Variants in ABCC1 observed in about 807,000 individuals in gnomAD.
ABCC1 encodes the protein multidrug resistance-associated protein 1.
A neutral mutation model predicts 172.9 loss-of-function variants in ABCC1; 83 were observed. The ratio of observed to expected loss-of-function variants is 0.48; its 90% confidence interval spans 0.40 to 0.58. ABCC1 has a LOEUF of 0.58. Among genes scored for constraint, ABCC1 ranks in the 20% least tolerant of loss-of-function variants. The pLI is 0.00. For synonymous variants in ABCC1, 937 were observed against 825.2 expected (o/e 1.14, Z -2.32); for missense variants, 1,817 against 2,002.7 (o/e 0.91, Z 1.77).
rs182649835 is a variant in ABCC1 at position 15,985,229 on chromosome 16, G to A, written c.49-22587G>A. Among the ~76,000 whole-genome samples the A allele has an allele frequency of 3.9e-5, 6 of 152,294 alleles. No individual in the cohort carries two copies. In the East Asian group the frequency reaches 9.6e-4, roughly 24 times the overall value. On this transcript the variant is annotated intron_variant, in intron 1 of 30. Coordinates refer to ENST00000399410, the MANE Select transcript of ABCC1 (RefSeq NM_004996.4). ...TAAGCAGCTCCACTGTGGATGTAGC[G>A]GGTATTTCAGAAAGGCATTAGAAAT...
intron 13 of ABCC1, among the ~76,000 whole-genome samples, chr16:16,069,797 A>G (rs1354588327): frequency 6.6e-6 from 1 of 152,088 alleles, no homozygotes; most frequent in Non-Finnish European, 1.5e-5. Flanking sequence ...ACCAAGGCAG[A>G]CAGATCAGCT....
rs761447728 is a variant in ABCC1, at chr16:16,114,896, G to A, written c.3210G>A (p.Gly1070=). 1 of 1,613,848 alleles carries A rather than the reference G, an allele frequency of 6.2e-7. No individual in the cohort carries two copies. The highest frequency in any genetic ancestry group is 8.5e-7 in the Non-Finnish European group (1 of 1,179,854). The stretch of plus-strand genomic sequence containing the variant: ...GCTTCTTTGAGCGGACCCCCAGTGG[G>A]AACCTGGTGAACCGCTTCTCCAAGG... The part of the protein sequence containing the change: ...PMSFFERTPS[G]NLVNRFSKEL... Residue 1070 remains glycine (G), a synonymous_variant, in exon 23 of 31, where the codon GGG becomes GGA. Transcript: ENST00000399410.
chr16:16,025,864 GAGGGAC>G (rs905709400), intron 5 of ABCC1, among the ~76,000 whole-genome samples: 3 of 152,188 alleles, frequency 2.0e-5, no homozygotes, highest in Non-Finnish European at 4.4e-5. Flanking sequence ...TCAAATGAAA[GAGGGAC>G]CAGTTCACAA....
chr16:15,963,423 C>G (rs928276799), intron 1 of ABCC1, among the ~76,000 whole-genome samples: 2 of 152,226 alleles, frequency 1.3e-5, no homozygotes, highest in African/African-American at 4.8e-5. Context: ...CCAGTGGGGA[C>G]TCTGTGTGGG....
intron 18 of ABCC1, among the ~76,000 whole-genome samples, chr16:16,087,338 T>C (rs954235568): frequency 1.1e-4 from 17 of 152,300 alleles, no homozygotes; most frequent in Middle Eastern, 3.4e-3. Context: ...TGCAGAGGTG[T>C]CTGTGGGTAG....
At position 15,954,765 on chromosome 16, in the gene ABCC1, G is replaced by T. The variant is rs554410795; in HGVS notation, c.48+4966G>T. Among the ~76,000 whole-genome samples the T allele has an allele frequency of 2.0e-5, 3 of 152,096 alleles. No individual in the cohort carries two copies. In the South Asian group the frequency reaches 6.2e-4, roughly 32 times the overall value. On this transcript the variant is annotated intron_variant, in intron 1 of 30. Coordinates refer to ENST00000399410, the MANE Select transcript of ABCC1 (RefSeq NM_004996.4). Reference sequence around the variant, plus strand: ...TTCCATTTGTGATAGCCTGGAGGGGGTGCCTCGCCTTTGGGACCTGGTGGT... The same window carrying T: ...TTCCATTTGTGATAGCCTGGAGGGGTTGCCTCGCCTTTGGGACCTGGTGGT...
In ABCC1 at chr16:16,029,430, C is replaced by G. The variant is rs183099690; in HGVS notation, c.616-3679C>G. ...TAGAGACAGGGTCTTGCCATGTTGC[C>G]CAGACTGGTCTCGAACTCCTGAACT... On this transcript the variant is annotated intron_variant, in intron 5 of 30. Transcript: ENST00000399410. Among the ~76,000 whole-genome samples, 595 of 152,116 alleles carry G rather than the reference C, an allele frequency of 3.9e-3. 3 individuals carry two copies. The highest frequency in any genetic ancestry group is 0.014 in the Middle Eastern group (4 of 294).
chr16:16,125,274 T>C (rs2045379145), intron 25 of ABCC1, among the ~76,000 whole-genome samples: 1 of 152,294 alleles, frequency 6.6e-6, no homozygotes, highest in East Asian at 1.9e-4. Context: ...AAAAATATTT[T>C]CCAGTTTCTT....
Position 16,114,504 on chromosome 16 carries a change from C to T in ABCC1, c.3080-262C>T, listed in dbSNP as rs1371693696. Reference sequence around the variant, plus strand: ...TACAGGCGCCAACCACCACGCCTGGCTAATTTTTGTATTTTTAGGAGAGAC... The same window carrying T: ...TACAGGCGCCAACCACCACGCCTGGTTAATTTTTGTATTTTTAGGAGAGAC... On this transcript the variant is annotated intron_variant, in intron 22 of 30. Transcript: ENST00000399410. 4.6e-5 allele frequency among the ~76,000 whole-genome samples: 7 copies of T among 152,140 alleles called. 1 individual carries two copies. The highest frequency in any genetic ancestry group is 1.7e-4 in the African/African-American group (7 of 41,538).
chr16:16,001,292 A>G (rs2047298190), intron 1 of ABCC1, among the ~76,000 whole-genome samples: 1 of 152,020 alleles, frequency 6.6e-6, no homozygotes, highest in Admixed American at 6.6e-5. Context: ...GCTCACTGCA[A>G]GCTCTGCCTC....
At chr16:16,017,745 T>G (rs1356724978) in intron 5 of ABCC1, among the ~76,000 whole-genome samples, 2 of 152,154 alleles carry the variant, frequency 1.3e-5, no homozygotes, top group African/African-American at 4.8e-5. Flanking sequence ...GGGATCTTGC[T>G]GTGTTGCCCA....
At chr16:15,968,854 C>A (rs1157186817) in intron 1 of ABCC1, among the ~76,000 whole-genome samples, 1 of 151,988 alleles carries the variant, frequency 6.6e-6, no homozygotes, top group Admixed American at 6.6e-5. Context: ...TCTGGAGTAG[C>A]TGGGACCACA....
rs45628038 is a variant in ABCC1 at position 16,032,902 on chromosome 16, G to A, written c.616-207G>A. Among the ~76,000 whole-genome samples the A allele has an allele frequency of 7.0e-3, 1,064 of 152,284 alleles. 14 individuals are homozygous for A. Among genetic ancestry groups the A allele is most frequent in the African/African-American group, 0.025 (1,031 of 41,550 alleles). On this transcript the variant is annotated intron_variant, in intron 5 of 30. Coordinates refer to ENST00000399410, the MANE Select transcript of ABCC1 (RefSeq NM_004996.4). ...TGTGGTTGCACATGGTAGACACTCC[G>A]TTGATTGAAACTGGAAGAGCTGCCA...
chr16:16,048,413 G>A, intron 10 of ABCC1, 110 bp downstream of exon 10: 1 of 1,267,184 alleles, frequency 7.9e-7, no homozygotes, highest in Non-Finnish European at 1.1e-6. Flanking sequence ...CTCCCTGGCA[G>A]TTCCGGCTGT....
intron 6 of ABCC1, among the ~76,000 whole-genome samples, chr16:16,035,124 G>A (rs1179196907): frequency 6.6e-6 from 1 of 152,164 alleles, no homozygotes; most frequent in Non-Finnish European, 1.5e-5. Flanking sequence ...TTAGTCTGCT[G>A]GGCACGGTGG....
intron 27 of ABCC1, 98 bp downstream of exon 27, chr16:16,132,033 C>T (rs183427517): frequency 6.3e-4 from 918 of 1,449,122 alleles, no homozygotes; most frequent in African/African-American, 1.2e-3. Context: ...CAGTCACTCA[C>T]GGCTCCACAC....
intron 9 of ABCC1, among the ~76,000 whole-genome samples, chr16:16,046,733 A>G: frequency 6.6e-6 from 1 of 151,764 alleles, no homozygotes; most frequent in Non-Finnish European, 1.5e-5. Context: ...TCCAATTTCA[A>G]AGGACCTAAA....
At chr16:16,101,333 G>A (rs1027645614) in intron 19 of ABCC1, among the ~76,000 whole-genome samples, 2 of 151,932 alleles carry the variant, frequency 1.3e-5, no homozygotes, top group African/African-American at 2.4e-5. Context: ...CGTGCCCGGC[G>A]GCCACCTGCT....
intron 11 of ABCC1, among the ~76,000 whole-genome samples, chr16:16,053,717 G>T (rs1267843243): frequency 7.5e-6 from 1 of 133,052 alleles, no homozygotes; most frequent in African/African-American, 2.8e-5. Flanking sequence ...AACCCAGGAG[G>T]TCGAAGCTGT....
Sources: allele counts gnomAD v4.1 joint callset (sites outside exome capture counted in the v4.1 genomes callset), GRCh38; gene constraint gnomAD v4.1.1; transcripts MANE v1.5; gene names NCBI Gene and HGNC (gene_info 2026-07-23, HGNC 2026-07-21).